GABRG3: variants seen among roughly 807,000 people sequenced by gnomAD.
The protein encoded by GABRG3 is gamma-aminobutyric acid type A receptor subunit gamma3.
In GABRG3, 25 loss-of-function variants were observed where a neutral mutation model predicts 48.8. The observed-to-expected ratio is 0.51, with a 90% CI of 0.37 to 0.72. GABRG3 has a LOEUF of 0.72. Ranked by LOEUF, GABRG3 falls within the 30% of genes least tolerant of loss-of-function variation. The pLI, the probability that GABRG3 is intolerant of heterozygous loss-of-function variation, is 0.00. For synonymous variants in GABRG3, 227 were observed against 217.6 expected (o/e 1.04, Z -0.38); for missense variants, 394 against 577.9 (o/e 0.68, Z 3.26).
rs1889328959 is a variant in GABRG3, at chr15:27,457,828, A to T, written c.575-22822A>T. 2.0e-5 allele frequency among the ~76,000 whole-genome samples: 3 copies of T among 152,218 alleles called. No homozygotes were observed. The South Asian group carries it at 6.2e-4, about 32-fold the overall frequency. ...AATGTATTTGTCAAAGCACCTGTGCAGTGACTCCCACTCAGGGAAACCATC... is the reference window on the plus strand; with the variant it reads ...AATGTATTTGTCAAAGCACCTGTGCTGTGACTCCCACTCAGGGAAACCATC... On this transcript the variant is annotated intron_variant, in intron 5 of 9. Transcript: ENST00000615808. This position sits in a 1 kb window ranked among gnomAD's most constrained non-coding sequence, Gnocchi z 4.4.
intron 3 of GABRG3, among the ~76,000 whole-genome samples, chr15:27,199,862 T>C (rs1225010886): frequency 6.6e-6 from 1 of 152,100 alleles, no homozygotes; most frequent in East Asian, 1.9e-4. Flanking sequence ...TTTTGTTTTG[T>C]CTTTTTTTTT....
At position 26,974,847 on chromosome 15, in the gene GABRG3, TTATTATTA is replaced by T. The variant is rs1566897109; in HGVS notation, c.54-2153_54-2146del. Among the ~76,000 whole-genome samples the T allele has an allele frequency of 4.8e-4, 9 of 18,664 alleles. No homozygotes were observed. The highest frequency in any genetic ancestry group is 2.5e-3 in the African/African-American group (7 of 2,780). The allele number at this position is 18,664 out of a possible 152,430, so 12.2% of individuals were successfully genotyped here. A position where few individuals can be genotyped will look rare whatever the true frequency, so the allele number is the denominator to read the frequency against. The stretch of plus-strand genomic sequence containing the variant: ...TGACACGAAATATTTTTTAAATTTA[TTATTATTA>T]TTATTATTATTATTATTATTATTAT... On this transcript the variant is annotated intron_variant, in intron 1 of 9. Transcript: ENST00000615808. The surrounding 1 kb of genome is among the most constrained non-coding windows in gnomAD (Gnocchi z 4.3).
At chr15:27,161,008 G>A (rs1887165084) in intron 3 of GABRG3, 1 of 152,038 alleles carries the variant, frequency 6.6e-6, no homozygotes. Context: ...AAGGAAAGGG[G>A]CTGGTGCACC....
At chr15:27,165,378 A>G (rs546420741) in intron 3 of GABRG3, among the ~76,000 whole-genome samples, 1 of 152,342 alleles carries the variant, frequency 6.6e-6, no homozygotes, top group Non-Finnish European at 1.5e-5. Flanking sequence ...CCTCTGTGTC[A>G]GGGCATCTTT....
chr15:27,359,518 A>C (rs1894952807), intron 5 of GABRG3, among the ~76,000 whole-genome samples: 1 of 152,250 alleles, frequency 6.6e-6, no homozygotes, highest in African/African-American at 2.4e-5. Flanking sequence ...TAGGATGAAC[A>C]GTACAATTAT....
intron 2 of GABRG3, among the ~76,000 whole-genome samples, chr15:26,992,976 C>A (rs1369370877): frequency 1.3e-5 from 2 of 151,994 alleles, no homozygotes; most frequent in Non-Finnish European, 2.9e-5. Context: ...TTCATTTCTT[C>A]TAGATTTTCA....
chr15:26,987,744 G>A (rs1330023318), intron 2 of GABRG3, among the ~76,000 whole-genome samples: 2 of 152,138 alleles, frequency 1.3e-5, no homozygotes, highest in Non-Finnish European at 2.9e-5. Context: ...TTCTAGTTTT[G>A]AGGTGGAAGA....
At chr15:27,166,301 A>G (rs947503209) in intron 3 of GABRG3, among the ~76,000 whole-genome samples, 1 of 152,226 alleles carries the variant, frequency 6.6e-6, no homozygotes, top group Non-Finnish European at 1.5e-5. Context: ...ATGGTATCTC[A>G]GCTGATTGCA....
At chr15:27,144,124 A>G (rs574740554) in intron 3 of GABRG3, among the ~76,000 whole-genome samples, 11 of 152,302 alleles carry the variant, frequency 7.2e-5, no homozygotes, top group African/African-American at 2.6e-4. Flanking sequence ...CAATTGGCAA[A>G]TCATCCTTTC....
intron 3 of GABRG3, among the ~76,000 whole-genome samples, chr15:27,120,944 A>T (rs576896795): frequency 1.3e-5 from 2 of 152,304 alleles, no homozygotes; most frequent in South Asian, 4.1e-4. Flanking sequence ...GCTCAAGCGT[A>T]TGCCAAACTT....
chr15:27,215,896 T>C (rs1412522529), intron 3 of GABRG3, among the ~76,000 whole-genome samples: 1 of 152,246 alleles, frequency 6.6e-6, no homozygotes, highest in Non-Finnish European at 1.5e-5. Flanking sequence ...TGTTGTTACC[T>C]ATAATTAGGT....
At chr15:27,353,482 T>G (rs1280260999) in intron 5 of GABRG3, among the ~76,000 whole-genome samples, 1 of 150,030 alleles carries the variant, frequency 6.7e-6, no homozygotes, top group Non-Finnish European at 1.5e-5. Context: ...TTCGCTCTGT[T>G]GCCCAGGCTG....
intron 3 of GABRG3, among the ~76,000 whole-genome samples, chr15:27,293,495 C>T (rs965800661): frequency 2.0e-5 from 3 of 146,580 alleles, no homozygotes; most frequent in Admixed American, 1.4e-4. Context: ...GCCAACATGG[C>T]GAAACCCTGT....
At position 27,012,881 on chromosome 15, in the gene GABRG3, A is replaced by G. The variant is rs79237254; in HGVS notation, c.203-13873A>G. ...CCAGTCATCCACTAATTATTTGTAG[A>G]ATGAATAGTGGTAAGCAGAAAGGCA... On this transcript the variant is annotated intron_variant, in intron 2 of 9. Transcript: ENST00000615808. Among the ~76,000 whole-genome samples, 215 of 152,298 alleles carry G rather than the reference A, an allele frequency of 1.4e-3. 5 individuals carry two copies. The East Asian group carries it at 0.037, about 26-fold the overall frequency.
chr15:27,257,171 G>A (rs570056450), intron 3 of GABRG3, among the ~76,000 whole-genome samples: 1 of 152,028 alleles, frequency 6.6e-6, no homozygotes, highest in South Asian at 2.1e-4. Flanking sequence ...TTAGTGGTAT[G>A]GATCATTTTT....
intron 5 of GABRG3, among the ~76,000 whole-genome samples, chr15:27,378,286 C>G (rs1895662295): frequency 6.6e-6 from 1 of 152,134 alleles, no homozygotes; most frequent in Non-Finnish European, 1.5e-5. Flanking sequence ...CAAATTTTCT[C>G]TCCCTTCACA....
intron 7 of GABRG3, among the ~76,000 whole-genome samples, chr15:27,523,927 G>A (rs2169639): frequency 0.63 from 95,678 of 151,346 alleles, 31,611 homozygotes; most frequent in African/African-American, 0.84. Flanking sequence ...TGTGTCACTG[G>A]AGTTCCAGAA....
intron 3 of GABRG3, among the ~76,000 whole-genome samples, chr15:27,129,621 C>T (rs1183183095): frequency 2.6e-5 from 4 of 151,966 alleles, no homozygotes; most frequent in Admixed American, 2.0e-4. Context: ...TACTGTTTTC[C>T]ATAGTGGCTA....
At chr15:27,358,111 C>T (rs111645894) in intron 5 of GABRG3, among the ~76,000 whole-genome samples, 1,606 of 152,280 alleles carry the variant, frequency 0.011, 33 homozygotes, top group African/African-American at 0.036. Context: ...TGGATACGAG[C>T]TTTCCAAAAT....
Sources: gnomAD v4.1 joint callset for allele counts (sites outside exome capture counted in the v4.1 genomes callset) on GRCh38, gnomAD v4.1.1 for gene constraint, Gnocchi (gnomAD v3.1) non-coding constraint, MANE v1.5 for transcripts, NCBI Gene and HGNC (gene_info 2026-07-23, HGNC 2026-07-21) for gene names.